Variants in EXOC6 observed in about 807,000 individuals in gnomAD.
EXOC6 encodes the protein SEC15-like 1.
A neutral mutation model predicts 112.5 loss-of-function variants in EXOC6; 60 were observed. The observed-to-expected ratio is 0.53, with a 90% confidence interval of 0.43 to 0.66. EXOC6 has a LOEUF of 0.66. EXOC6 is among the 30% of genes least tolerant of loss of function. The pLI, the probability that EXOC6 is intolerant of heterozygous loss-of-function variation, is 0.00. For synonymous variants in EXOC6, 295 were observed against 308.0 expected (o/e 0.96, Z 0.44); for missense variants, 855 against 957.1 (o/e 0.89, Z 1.41).
chr10:92,864,477 G>A (rs60633165), intron 1 of EXOC6, among the ~76,000 whole-genome samples: 2,281 of 152,278 alleles, frequency 0.015, 52 homozygotes, highest in African/African-American at 0.052. Flanking sequence ...AGGTTATGAT[G>A]ATGAAATTTT....
intron 20 of EXOC6, 43 bp downstream of exon 20, chr10:93,014,310 C>T (rs1199753291): frequency 6.9e-6 from 10 of 1,458,202 alleles, no homozygotes; most frequent in Non-Finnish European, 8.6e-6. Flanking sequence ...CCCTCTAACT[C>T]TTGCCCTCCC....
chr10:92,968,260 C>T (rs1424625357), intron 17 of EXOC6, among the ~76,000 whole-genome samples: 1 of 149,440 alleles, frequency 6.7e-6, no homozygotes, highest in Non-Finnish European at 1.5e-5. Flanking sequence ...TCGTAGCTTA[C>T]TGCAGCCTCA....
At chr10:92,836,699 G>A (rs1257407173) in intron 1 of EXOC6, among the ~76,000 whole-genome samples, 1 of 152,138 alleles carries the variant, frequency 6.6e-6, no homozygotes, top group Non-Finnish European at 1.5e-5. Flanking sequence ...AAGTTGATTA[G>A]ATGAAGATTT....
chr10:93,050,759 C>CAAAAA lies in EXOC6; in HGVS notation c.2170-6147_2170-6143dup, dbSNP rs58439083. Among the ~76,000 whole-genome samples the CAAAAA allele has an allele frequency of 2.4e-4, 9 of 37,304 alleles. 1 individual carries two copies. The highest frequency in any genetic ancestry group is 2.0e-3 in the South Asian group (1 of 490). The allele number at this position is 37,304 out of a possible 152,430, so 24.5% of individuals were successfully genotyped here. A position where few individuals can be genotyped will look rare whatever the true frequency, so the allele number is the denominator to read the frequency against. ...TGGGCAACAAAGCGAGACTCCGTCT[C>CAAAAA]AAAAAAAAAAAAAAAAAAAAAAGAA... On this transcript the variant is annotated intron_variant, in intron 20 of 21. Coordinates refer to ENST00000260762, the MANE Select transcript of EXOC6 (RefSeq NM_019053.6).
At chr10:92,909,749 T>C (rs1473644597) in intron 6 of EXOC6, 118 bp downstream of exon 6, 2 of 644,620 alleles carry the variant, frequency 3.1e-6, no homozygotes, top group East Asian at 2.8e-5. Context: ...CTTTTTCTTA[T>C]CTTTTCTGGT....
Position 92,954,687 on chromosome 10 carries a change from T to A in EXOC6, c.1584T>A (p.Thr528=). 1 of 1,610,082 alleles carries A rather than the reference T, an allele frequency of 6.2e-7. No individual in the cohort carries two copies. The highest frequency in any genetic ancestry group is 1.7e-5 in the Admixed American group (1 of 59,632). Residue 528 remains threonine (T), a synonymous_variant, in exon 16 of 22, where the codon ACT becomes ACA. Transcript: ENST00000260762. ...RKSTNLLLTR[T]LSSCLLNLIR... is the part of the protein sequence containing the mutation. The stretch of plus-strand genomic sequence containing the variant: ...CAACAAATCTGCTGCTGACCAGAAC[T>A]TTGAGTAGCTGTTTACTGAACCTTA...
chr10:92,948,742 G>T (rs1853210990), intron 14 of EXOC6, among the ~76,000 whole-genome samples: 2 of 152,196 alleles, frequency 1.3e-5, no homozygotes, highest in East Asian at 3.9e-4. Flanking sequence ...ATGAAAAGTA[G>T]ATTTATAGTA....
At chr10:92,834,633 C>A, upstream of EXOC6, 1 of 893,128 alleles carries the variant, frequency 1.1e-6, no homozygotes, top group Non-Finnish European at 1.7e-6. Context: ...ACAGAGAATC[C>A]TTCTAATAAT....
chr10:93,052,123 A>G (rs1004215020), intron 20 of EXOC6, among the ~76,000 whole-genome samples: 1 of 152,238 alleles, frequency 6.6e-6, no homozygotes, highest in African/African-American at 2.4e-5. Context: ...AAAAGACCCA[A>G]AACAAAGAAA....
intron 17 of EXOC6, among the ~76,000 whole-genome samples, chr10:92,960,265 A>C (rs965144804): frequency 6.6e-6 from 1 of 152,224 alleles, no homozygotes; most frequent in Non-Finnish European, 1.5e-5. Context: ...TGAAAAGTCT[A>C]CATATTGTAT....
chr10:92,905,745 A>G (rs1167422216), intron 5 of EXOC6, among the ~76,000 whole-genome samples: 1 of 152,034 alleles, frequency 6.6e-6, no homozygotes, highest in Non-Finnish European at 1.5e-5. Context: ...TCGTTAAGGC[A>G]TGTTTTGTGG....
chr10:92,867,603 A>G (rs1319192241), intron 1 of EXOC6, among the ~76,000 whole-genome samples: 1 of 152,174 alleles, frequency 6.6e-6, no homozygotes, highest in African/African-American at 2.4e-5. Context: ...CAAAACTATT[A>G]AAAGATAATT....
At chr10:93,043,139 C>G (rs947950891) in intron 20 of EXOC6, among the ~76,000 whole-genome samples, 3 of 151,814 alleles carry the variant, frequency 2.0e-5, no homozygotes, top group Non-Finnish European at 2.9e-5. Flanking sequence ...GTTTCACCAT[C>G]TTGGCCAGGC....
At chr10:92,941,705 A>G (rs925456315) in intron 13 of EXOC6, among the ~76,000 whole-genome samples, 4 of 152,230 alleles carry the variant, frequency 2.6e-5, no homozygotes, top group Admixed American at 1.3e-4. Flanking sequence ...AAATAAAATA[A>G]CTAGATTAAG....
At chr10:92,931,728 C>T (rs1389364568) in intron 9 of EXOC6, among the ~76,000 whole-genome samples, 1 of 151,752 alleles carries the variant, frequency 6.6e-6, no homozygotes, top group Non-Finnish European at 1.5e-5. Context: ...CAAATTAAAA[C>T]CACAATAAGA....
intron 14 of EXOC6, among the ~76,000 whole-genome samples, chr10:92,951,628 AG>A (rs1304085020): frequency 6.6e-6 from 1 of 152,176 alleles, no homozygotes; most frequent in Non-Finnish European, 1.5e-5. Context: ...AATAGAAAAG[AG>A]GGTTTTTTTA....
At chr10:92,866,011 T>C (rs1848157446) in intron 1 of EXOC6, among the ~76,000 whole-genome samples, 1 of 152,010 alleles carries the variant, frequency 6.6e-6, no homozygotes, top group Admixed American at 6.6e-5. Context: ...GGTCTTGCTG[T>C]CTCAGGGGTG....
intron 20 of EXOC6, among the ~76,000 whole-genome samples, chr10:93,052,627 G>A (rs1287493938): frequency 6.6e-6 from 1 of 152,154 alleles, no homozygotes; most frequent in Non-Finnish European, 1.5e-5. Flanking sequence ...TCATGATGAG[G>A]TAGAACTCAA....
chr10:92,852,782 C>G (rs1355582219), intron 1 of EXOC6, among the ~76,000 whole-genome samples: 1 of 152,118 alleles, frequency 6.6e-6, no homozygotes, highest in Non-Finnish European at 1.5e-5. Flanking sequence ...AACAGGGCAT[C>G]TATGAAAATC....
Sources: allele counts gnomAD v4.1 joint callset (sites outside exome capture counted in the v4.1 genomes callset), GRCh38; gene constraint gnomAD v4.1.1; transcripts MANE v1.5; gene names NCBI Gene and HGNC (gene_info 2026-07-23, HGNC 2026-07-21).